The following CCDC3 variants were observed in gnomAD, a reference collection of about 807,000 sequenced individuals.
CCDC3 encodes coiled-coil domain-containing protein 3.
In CCDC3, 24 loss-of-function variants were observed where a neutral mutation model predicts 21.4. The observed-to-expected ratio is 1.12, with a 90% CI of 0.81 to 1.58. CCDC3 has a LOEUF of 1.58. CCDC3 is among the 40% of genes most tolerant of loss of function. The probability of loss-of-function intolerance (pLI) is 0.00; values close to 1 mark genes in which losing one functional copy is unlikely to be tolerated. For synonymous variants in CCDC3, 186 were observed against 166.0 expected, an observed-to-expected ratio of 1.12 and a Z score of -0.93; for missense variants, 425 against 360.9, an observed-to-expected ratio of 1.18 and a Z score of -1.44.
chr10:13,044,378 G>A (rs1194563737), intron 5 of CCDC3, among the ~76,000 whole-genome samples: 1 of 152,038 alleles, frequency 6.6e-6, no homozygotes, highest in South Asian at 2.1e-4. Context: ...TCAATTTTTG[G>A]TCTTGTTGCA....
At chr10:13,097,749 C>T (rs1832646377) in intron 3 of CCDC3, among the ~76,000 whole-genome samples, 1 of 152,078 alleles carries the variant, frequency 6.6e-6, no homozygotes, top group South Asian at 2.1e-4. Flanking sequence ...ACCTTTGGGG[C>T]AAGCTCTGCT....
At chr10:12,959,294 A>G (rs1214056282) in intron 2 of CCDC3, among the ~76,000 whole-genome samples, 2 of 151,728 alleles carry the variant, frequency 1.3e-5, no homozygotes, top group African/African-American at 4.8e-5. Context: ...CAGCCTCCCG[A>G]CTAGCTGGGA....
chr10:13,030,252 G>A (rs1836282530), intron 5 of CCDC3, among the ~76,000 whole-genome samples: 1 of 152,170 alleles, frequency 6.6e-6, no homozygotes, highest in Non-Finnish European at 1.5e-5. Flanking sequence ...AGCTTCATAA[G>A]TGAAGGAGAA....
intron 5 of CCDC3, among the ~76,000 whole-genome samples, chr10:13,014,458 G>GAAAAAAAAAAAA (rs59613788): frequency 1.3e-5 from 1 of 77,918 alleles, no homozygotes; most frequent in Non-Finnish European, 2.4e-5. Context: ...TCAAAAAAAA[G>GAAAAAAAAAAAA]AAAAAAAAAA....
chr10:12,985,968 C>G (rs1835583538), intron 2 of CCDC3, among the ~76,000 whole-genome samples: 1 of 152,160 alleles, frequency 6.6e-6, no homozygotes, highest in Non-Finnish European at 1.5e-5. Context: ...CTCCGCCTCC[C>G]GGGTTCACGC....
In CCDC3 at chr10:12,898,634, G is replaced by A. The variant is rs746371499; in HGVS notation, c.595C>T (p.His199Tyr). The A allele has an allele frequency of 5.6e-6, 9 of 1,614,198 alleles. No homozygotes were observed. The highest frequency in any genetic ancestry group is 6.8e-6 in the Non-Finnish European group (8 of 1,180,032). The change falls in exon 3 of 3, where the codon CAC (histidine) becomes TAC (tyrosine). Residue 199 changes from histidine (H) to tyrosine (Y), a missense_variant. Coordinates refer to ENST00000378825, the MANE Select transcript of CCDC3 (RefSeq NM_031455.4). ...ACTTTCTGCTGCAGTTTCTTGACGT[G>A]GTCCTCCTCCTCAAACAAGGCCTTC... ...VQKALFEEED[H>Y]VKKLQQKVAT...
intron 2 of CCDC3, among the ~76,000 whole-genome samples, chr10:12,928,063 C>T (rs1834573932): frequency 1.3e-5 from 2 of 152,126 alleles, no homozygotes; most frequent in African/African-American, 4.8e-5. Flanking sequence ...GTGTGCACAC[C>T]CAGGGCCTCA....
chr10:12,990,009 T>C (rs1835656287), intron 2 of CCDC3, among the ~76,000 whole-genome samples: 2 of 151,806 alleles, frequency 1.3e-5, no homozygotes, highest in Non-Finnish European at 2.9e-5. Context: ...TACCAGCACT[T>C]TGGGAGGCCG....
chr10:13,025,354 C>T (rs4750299), intron 5 of CCDC3, among the ~76,000 whole-genome samples: 4,154 of 152,310 alleles, frequency 0.027, 125 homozygotes, highest in Admixed American at 0.1. Context: ...CAAGCCTTCC[C>T]TTGCATCAGT....
At chr10:13,092,292 A>C (rs565941499) in intron 3 of CCDC3, among the ~76,000 whole-genome samples, 1 of 152,330 alleles carries the variant, frequency 6.6e-6, no homozygotes, top group African/African-American at 2.4e-5. Flanking sequence ...ACTTCCCAGA[A>C]TTATAATAAG....
chr10:13,001,347 T>C lies in CCDC3; in HGVS notation c.224A>G (p.Tyr75Cys). The C allele has an allele frequency of 8.1e-6, 13 of 1,602,562 alleles. No homozygotes were observed. Among genetic ancestry groups the C allele is most frequent in the Non-Finnish European group, 1.1e-5 (13 of 1,175,824 alleles). Reference protein sequence around the residue: ...QYHAGQGGLFYSAEVEMLCDQ... With the variant: ...QYHAGQGGLFCSAEVEMLCDQ... Reference sequence around the variant, plus strand: ...GCACAGCATCTCGACCTCGGCCGAGTAGAAGAGGCCCCCCTGGCCGGCGTG... The same window carrying C: ...GCACAGCATCTCGACCTCGGCCGAGCAGAAGAGGCCCCCCTGGCCGGCGTG... Residue 75 changes from tyrosine (Y) to cysteine (C), a missense_variant, in exon 1 of 3, where the codon TAC becomes TGC. Coordinates refer to ENST00000378825, the MANE Select transcript of CCDC3 (RefSeq NM_031455.4).
intron 4 of CCDC3, among the ~76,000 whole-genome samples, chr10:13,052,407 C>T (rs1051210881): frequency 2.0e-5 from 3 of 152,148 alleles, no homozygotes; most frequent in African/African-American, 4.8e-5. Flanking sequence ...TTCTTGATTG[C>T]TTACCTGATT....
chr10:12,979,582 T>C (rs918140287), intron 2 of CCDC3, among the ~76,000 whole-genome samples: 1 of 151,974 alleles, frequency 6.6e-6, no homozygotes, highest in Non-Finnish European at 1.5e-5. Context: ...CTGTTGCCCA[T>C]GCTCATCTCA....
chr10:13,059,138 C>T (rs536835069), intron 4 of CCDC3, among the ~76,000 whole-genome samples: 8 of 152,308 alleles, frequency 5.3e-5, no homozygotes, highest in Non-Finnish European at 8.8e-5. Flanking sequence ...ACGCACACTT[C>T]GTAAGGGTGA....
intron 2 of CCDC3, among the ~76,000 whole-genome samples, chr10:12,953,683 G>A (rs1220471130): frequency 1.3e-5 from 2 of 152,190 alleles, no homozygotes; most frequent in South Asian, 4.1e-4. Context: ...TCTACCCTGT[G>A]GAGCTGTGAC....
chr10:13,029,444 T>A (rs577313381), intron 5 of CCDC3, among the ~76,000 whole-genome samples: 1 of 152,278 alleles, frequency 6.6e-6, no homozygotes, highest in South Asian at 2.1e-4. Flanking sequence ...TCCAAAGGAA[T>A]GCAGCTCATC....
At chr10:13,093,409 C>T (rs905695550) in intron 3 of CCDC3, among the ~76,000 whole-genome samples, 5 of 152,046 alleles carry the variant, frequency 3.3e-5, no homozygotes, top group Admixed American at 6.6e-5. Context: ...CCACAACACA[C>T]GGGAATTATG....
intron 2 of CCDC3, among the ~76,000 whole-genome samples, chr10:12,928,153 G>C (rs914378731): frequency 6.6e-6 from 1 of 152,186 alleles, no homozygotes; most frequent in Non-Finnish European, 1.5e-5. Flanking sequence ...GTTTAGAAGA[G>C]GTGACTATAC....
upstream of CCDC3, among the ~76,000 whole-genome samples, chr10:13,004,481 G>T (rs1835902535): frequency 6.6e-6 from 1 of 152,096 alleles, no homozygotes; most frequent in Non-Finnish European, 1.5e-5. Context: ...CATAGATGGT[G>T]CTACTGGCAG....
Sources: gnomAD v4.1 joint callset for allele counts (sites outside exome capture counted in the v4.1 genomes callset) on GRCh38, gnomAD v4.1.1 for gene constraint, MANE v1.5 for transcripts, NCBI Gene and HGNC (gene_info 2026-07-23, HGNC 2026-07-21) for gene names.